Variants in PCK2 observed in about 807,000 individuals in gnomAD.
PCK2 encodes phosphoenolpyruvate carboxykinase [GTP], mitochondrial.
A neutral mutation model predicts 65.9 loss-of-function variants in PCK2; 56 were observed. The ratio of observed to expected loss-of-function variants is 0.85; its 90% CI spans 0.69 to 1.06. PCK2 has a LOEUF of 1.06. Among genes scored for constraint, PCK2 ranks in the 50% least tolerant of loss-of-function variants. The pLI is 0.00. For synonymous variants in PCK2, 305 were observed against 319.6 expected, an observed-to-expected ratio of 0.95 and a Z score of 0.49; for missense variants, 843 against 863.1, an observed-to-expected ratio of 0.98 and a Z score of 0.29.
intron 7 of PCK2, 99 bp downstream of exon 7, chr14:24,100,312 C>A (rs2037111548): frequency 1.3e-6 from 2 of 1,529,776 alleles, no homozygotes; most frequent in South Asian, 1.3e-5. Flanking sequence ...CTAGGACTGC[C>A]AGGAGGCACA....
Position 24,094,451 on chromosome 14 carries a change from C to T in PCK2, c.29+17C>T. 6.5e-7 allele frequency: 1 copy of T among 1,532,888 alleles called. No individual in the cohort carries two copies. Among genetic ancestry groups the T allele is most frequent in the Non-Finnish European group, 8.7e-7 (1 of 1,146,360 alleles). 95.0% of individuals were successfully genotyped at this position (1,532,888 alleles called of 1,614,324 possible). ...TGGCCTGCGGTGAGTGACCCCCGGCCCGGGGCCCACCCGCACCTTCCGCTG... is the reference window on the plus strand; with the variant it reads ...TGGCCTGCGGTGAGTGACCCCCGGCTCGGGGCCCACCCGCACCTTCCGCTG... On this transcript the variant is annotated intron_variant, in intron 1 of 9. Coordinates refer to ENST00000216780, the MANE Select transcript of PCK2 (RefSeq NM_004563.4). This position sits in a 1 kb window ranked among gnomAD's most constrained non-coding sequence, Gnocchi z 4.1.
Position 24,099,660 on chromosome 14 carries a change from C to G in PCK2, c.955C>G (p.Pro319Ala). 6.2e-7 allele frequency: 1 copy of G among 1,613,980 alleles called. No homozygotes were observed. Among genetic ancestry groups the G allele is most frequent in the Non-Finnish European group, 8.5e-7 (1 of 1,179,860 alleles). Residue 319 changes from proline to alanine, a missense_variant, in exon 6 of 10, where the codon CCA becomes GCA. Pro to Ala is a conservative substitution (Grantham distance 27, BLOSUM62 -1). Transcript: ENST00000216780. ...TNLAMMRPAL[P>A]GWKVECVGDD... ...CCTGGCTATGATGCGGCCTGCACTG[C>G]CAGGCTGGAAAGTGGAGTGTGTGGG... is the stretch of plus-strand genomic sequence containing the variant.
At position 24,097,434 on chromosome 14, in the gene PCK2, C is replaced by T. The variant is rs532796828; in HGVS notation, c.275+297C>T. ...CAAAAATTAGCCCAGCATGGCAGCG[C>T]ATGCCTGTAATCCCAGCTACTTGGG... On this transcript the variant is annotated intron_variant, in intron 2 of 9. Transcript: ENST00000216780. Among the ~76,000 whole-genome samples the T allele has an allele frequency of 5.0e-4, 75 of 151,230 alleles. 1 individual carries two copies. The highest frequency in any genetic ancestry group is 1.2e-3 in the East Asian group (6 of 5,074).
intron 1 of PCK2, 38 bp from the exon 2 acceptor site, chr14:24,096,851 CGAT>C: frequency 6.3e-7 from 1 of 1,584,442 alleles, no homozygotes; most frequent in Non-Finnish European, 8.6e-7. Context: ...TGTCCACTCT[CGAT>C]GACAGCAACT....
At position 24,094,946 on chromosome 14, in the gene PCK2, G is replaced by A. The variant is rs1009901364; in HGVS notation, c.29+512G>A. 33 of 1,018,666 alleles carry A rather than the reference G, an allele frequency of 3.2e-5. No homozygotes were observed. In the African/African-American group the frequency reaches 4.0e-4, roughly 12 times the overall value. 63.1% of individuals were successfully genotyped at this position (1,018,666 alleles called of 1,614,324 possible). On this transcript the variant is annotated intron_variant, in intron 1 of 9. Coordinates refer to ENST00000216780, the MANE Select transcript of PCK2 (RefSeq NM_004563.4). This position sits in a 1 kb window ranked among gnomAD's most constrained non-coding sequence, Gnocchi z 4.1. ...CCCGGACTGGAAGGACTGGAACCTG[G>A]CGGGAAGTCCAGAGCAGCCCGAGGG...
At chr14:24,096,185 A>G (rs2036869858) in intron 1 of PCK2, among the ~76,000 whole-genome samples, 1 of 149,738 alleles carries the variant, frequency 6.7e-6, no homozygotes, top group African/African-American at 2.5e-5. Flanking sequence ...ACCTGGGCCC[A>G]ACTTCTTGTC....
rs571414616 is a variant in PCK2 at position 24,095,438 on chromosome 14, C to T, written c.29+1004C>T. 171 of 348,564 alleles carry T rather than the reference C, an allele frequency of 4.9e-4. 1 individual carries two copies. The highest frequency in any genetic ancestry group is 3.4e-3 in the South Asian group (159 of 46,908). The allele number at this position is 348,564 out of a possible 1,614,324, so 21.6% of individuals were successfully genotyped here. On this transcript the variant is annotated intron_variant, in intron 1 of 9. Coordinates refer to ENST00000216780, the MANE Select transcript of PCK2 (RefSeq NM_004563.4). ...ACACTGATCATCTATCCTGCTTTAG[C>T]GGAAACCACCCCAGCTTCTACCCCA... is the stretch of plus-strand genomic sequence containing the variant.
intron 7 of PCK2, 199 bp from the exon 8 acceptor site, chr14:24,102,554 G>A: frequency 1.7e-6 from 1 of 574,724 alleles, no homozygotes; most frequent in Non-Finnish European, 3.1e-6. Flanking sequence ...AGCTCAGCTG[G>A]CCGCACCTTC....
In PCK2 at chr14:24,094,599, C is replaced by T; in HGVS notation, c.29+165C>T. 1 of 1,461,300 alleles carries T rather than the reference C, an allele frequency of 6.8e-7. No individual in the cohort carries two copies. The highest frequency in any genetic ancestry group is 9.0e-7 in the Non-Finnish European group (1 of 1,108,632). The allele number at this position is 1,461,300 out of a possible 1,614,324, so 90.5% of individuals were successfully genotyped here. A position where few individuals can be genotyped will look rare whatever the true frequency, so the allele number is the denominator to read the frequency against. On this transcript the variant is annotated intron_variant, in intron 1 of 9. Transcript: ENST00000216780. This position sits in a 1 kb window ranked among gnomAD's most constrained non-coding sequence, Gnocchi z 4.1. ...GTCCAGCCTCCCGCGCCGCGCGTCT[C>T]TTGGGAGGGCAGCCGGCCGGTGCTC... is the stretch of plus-strand genomic sequence containing the variant.
chr14:24,099,781 C>T (rs2138959025), intron 6 of PCK2, 61 bp downstream of exon 6: 1 of 1,537,142 alleles, frequency 6.5e-7, no homozygotes. Context: ...GGGGTCTCCT[C>T]TCTAGTGTTC....
In PCK2 at chr14:24,094,395, G is replaced by T; in HGVS notation, c.-11G>T. The T allele has an allele frequency of 6.4e-7, 1 of 1,554,298 alleles. No homozygotes were observed. ...GGTTCCTGGCCACCCCGCAGCCCCT[G>T]CCCAGGTGCCATGGCCGCATTGTAC... On this transcript the variant is annotated 5_prime_UTR_variant, in exon 1 of 10. Coordinates refer to ENST00000216780, the MANE Select transcript of PCK2 (RefSeq NM_004563.4). This position sits in a 1 kb window ranked among gnomAD's most constrained non-coding sequence, Gnocchi z 4.1.
At position 24,099,101 on chromosome 14, in the gene PCK2, C is replaced by T. The variant is rs1320018785; in HGVS notation, c.717C>T (p.His239=). ...PCNPEKTLIG[H]VPDQREIISF... Reference sequence around the variant, plus strand: ...ACCCAGAGAAAACCCTGATTGGCCACGTGCCCGACCAGCGGGAGATCATCT... The same window carrying T: ...ACCCAGAGAAAACCCTGATTGGCCATGTGCCCGACCAGCGGGAGATCATCT... Residue 239 remains histidine (H), a synonymous_variant, in exon 5 of 10, where the codon CAC becomes CAT. Coordinates refer to ENST00000216780, the MANE Select transcript of PCK2 (RefSeq NM_004563.4). The T allele has an allele frequency of 3.7e-6, 6 of 1,611,848 alleles. No individual in the cohort carries two copies. Among genetic ancestry groups the T allele is most frequent in the Middle Eastern group, 1.7e-4 (1 of 6,056 alleles).
In PCK2 at chr14:24,103,955, C is replaced by G; in HGVS notation, c.1914C>G (p.His638Gln). 1 of 1,612,882 alleles carries G rather than the reference C, an allele frequency of 6.2e-7. No individual in the cohort carries two copies. Among genetic ancestry groups the G allele is most frequent in the Non-Finnish European group, 8.5e-7 (1 of 1,179,128 alleles). Reference protein sequence around the residue: ...AELEALERRVHKM With the variant: ...AELEALERRVQKM ...TTGAGGCCCTGGAGAGACGTGTGCA[C>G]AAAATGTGACCTGAGGCCCTAGTCT... The change falls in exon 10 of 10, where the codon CAC (histidine) becomes CAG (glutamine). Residue 638 changes from histidine to glutamine, a missense_variant. His to Gln is a conservative substitution (Grantham distance 24). Transcript: ENST00000216780.
rs2036798658 is a variant in PCK2, at chr14:24,094,984, G to A, written c.29+550G>A. 1.6e-6 allele frequency: 1 copy of A among 627,954 alleles called. No individual in the cohort carries two copies. Among genetic ancestry groups the A allele is most frequent in the Non-Finnish European group, 2.5e-6 (1 of 397,316 alleles). The allele number at this position is 627,954 out of a possible 1,614,324, so 38.9% of individuals were successfully genotyped here. A position where few individuals can be genotyped will look rare whatever the true frequency, so the allele number is the denominator to read the frequency against. Reference sequence around the variant, plus strand: ...AGCAGCCCGAGGGACCTGGGCCCAGGGGAGGGAGGCAAGCAAGGTGGGAGG... The same window carrying A: ...AGCAGCCCGAGGGACCTGGGCCCAGAGGAGGGAGGCAAGCAAGGTGGGAGG... On this transcript the variant is annotated intron_variant, in intron 1 of 9. Coordinates refer to ENST00000216780, the MANE Select transcript of PCK2 (RefSeq NM_004563.4). This position sits in a 1 kb window ranked among gnomAD's most constrained non-coding sequence, Gnocchi z 4.1.
Position 24,094,798 on chromosome 14 carries a change from C to G in PCK2, c.29+364C>G, listed in dbSNP as rs745778033. The G allele has an allele frequency of 2.2e-6, 3 of 1,358,790 alleles. No homozygotes were observed. The South Asian group carries it at 3.7e-5, about 17-fold the overall frequency. The allele number at this position is 1,358,790 out of a possible 1,614,324, so 84.2% of individuals were successfully genotyped here. On this transcript the variant is annotated intron_variant, in intron 1 of 9. Transcript: ENST00000216780. The surrounding 1 kb of genome is among the most constrained non-coding windows in gnomAD (Gnocchi z 4.1). ...CCTCGGACCTCTAACGGGCTCTCAGCCAGCGCCCCAGGGTACTTCGAGAGG... is the reference window on the plus strand; with the variant it reads ...CCTCGGACCTCTAACGGGCTCTCAGGCAGCGCCCCAGGGTACTTCGAGAGG...
intron 5 of PCK2, 107 bp from the exon 6 acceptor site, chr14:24,099,451 T>G (rs2138956515): frequency 8.8e-7 from 1 of 1,136,894 alleles, no homozygotes; most frequent in East Asian, 2.4e-5. Flanking sequence ...CTTATATAGT[T>G]AATAAACATT....
intron 7 of PCK2, chr14:24,100,471 A>AG: frequency 1.2e-6 from 1 of 852,586 alleles, no homozygotes; most frequent in Non-Finnish European, 1.7e-6. Context: ...TAGTTGTGAT[A>AG]GTACCTATCT....
At position 24,104,120 on chromosome 14, in the gene PCK2, A is replaced by G; in HGVS notation, c.*156A>G. ...GTCCAATAATAAGAGATGCTTATCT[A>G]TTTTACACAAGATTTGTGCTGTTTT... On this transcript the variant is annotated 3_prime_UTR_variant, in exon 10 of 10. Coordinates refer to ENST00000216780, the MANE Select transcript of PCK2 (RefSeq NM_004563.4). The G allele has an allele frequency of 1.6e-6, 1 of 617,308 alleles. No homozygotes were observed. Among genetic ancestry groups the G allele is most frequent in the Non-Finnish European group, 2.9e-6 (1 of 344,650 alleles). 38.2% of individuals were successfully genotyped at this position (617,308 alleles called of 1,614,324 possible).
At position 24,102,901 on chromosome 14, in the gene PCK2, T is replaced by C. The variant is rs375633420; in HGVS notation, c.1372+11T>C. ...GCCGCAGACCCAAAGGTAAACAACA[T>C]ATGAGCTCCATGTTCTTGGCAAAAG... On this transcript the variant is annotated intron_variant, in intron 8 of 9. Transcript: ENST00000216780. 7.4e-6 allele frequency: 12 copies of C among 1,611,434 alleles called. No individual in the cohort carries two copies. Among genetic ancestry groups the C allele is most frequent in the Non-Finnish European group, 1.0e-5 (12 of 1,178,812 alleles).
Sources: allele counts gnomAD v4.1 joint callset (sites outside exome capture counted in the v4.1 genomes callset), GRCh38; gene constraint gnomAD v4.1.1; non-coding constraint Gnocchi (gnomAD v3.1); transcripts MANE v1.5; gene names NCBI Gene and HGNC (gene_info 2026-07-23, HGNC 2026-07-21).